Variants in LRP12 observed in about 807,000 individuals in gnomAD.
LRP12 encodes the protein LDL receptor related protein 12, also known as low-density lipoprotein receptor-related protein 12.
A neutral mutation model predicts 66.0 loss-of-function variants in LRP12; 14 were observed. The observed-to-expected ratio is 0.21, with a 90% confidence interval of 0.14 to 0.33. LRP12 has a LOEUF of 0.33. LRP12 is among the 10% of genes least tolerant of loss of function. The pLI, the probability that LRP12 is intolerant of heterozygous loss-of-function variation, is 1.00. For synonymous variants in LRP12, 357 were observed against 359.1 expected (o/e 0.99, Z 0.07); for missense variants, 889 against 1,053.4 (o/e 0.84, Z 2.16).
chr8:104,546,896 T>TATATAATTATA (rs1195331637), intron 1 of LRP12, among the ~76,000 whole-genome samples: 12 of 143,120 alleles, frequency 8.4e-5, no homozygotes, highest in Non-Finnish European at 1.4e-4. Context: ...CTTATAATTA[T>TATATAATTATA]TATTATATAT....
At chr8:104,583,829 T>C (rs1016193713) in intron 1 of LRP12, among the ~76,000 whole-genome samples, 1 of 152,116 alleles carries the variant, frequency 6.6e-6, no homozygotes, top group Admixed American at 6.6e-5. Context: ...TAAAGATTAA[T>C]TGGCAATAAA....
rs977600478 is a variant in LRP12 at position 104,521,137 on chromosome 8, TCTTCAAATTCTGGAATATGTA to T, written c.136+10749_136+10769del. Among the ~76,000 whole-genome samples the T allele has an allele frequency of 1.3e-4, 20 of 152,088 alleles. No individual in the cohort carries two copies. The South Asian group carries it at 1.7e-3, about 13-fold the overall frequency. ...GACCAGAAGTATTTTGATTTTTTTT[TCTTCAAATTCTGGAATATGTA>T]CAGATATATACTTACTAGTTGAGCA... On this transcript the variant is annotated intron_variant, in intron 2 of 6. Coordinates refer to ENST00000276654, the MANE Select transcript of LRP12 (RefSeq NM_013437.5).
intron 2 of LRP12, among the ~76,000 whole-genome samples, chr8:104,529,149 A>AT (rs1811289864): frequency 6.6e-6 from 1 of 152,160 alleles, no homozygotes; most frequent in South Asian, 2.1e-4. Flanking sequence ...AAATGAGGTC[A>AT]TATGTGTGGC....
At chr8:104,582,748 T>G (rs1006593352) in intron 1 of LRP12, among the ~76,000 whole-genome samples, 7 of 152,160 alleles carry the variant, frequency 4.6e-5, no homozygotes, top group African/African-American at 1.7e-4. Context: ...TGTGCTTGTA[T>G]AGTGTTCATA....
rs1811892964 is a variant in LRP12, at chr8:104,560,671, ATATGT to A, written c.79+28143_79+28147del. Among the ~76,000 whole-genome samples, 4 of 152,330 alleles carry A rather than the reference ATATGT, an allele frequency of 2.6e-5. No homozygotes were observed. In the South Asian group the frequency reaches 8.3e-4, roughly 32 times the overall value. On this transcript the variant is annotated intron_variant, in intron 1 of 6. Transcript: ENST00000276654. ...TACTTCAACATACATATCTCTCAAA[ATATGT>A]TATCCAGCTATCTATAATGCTACTA... is the stretch of plus-strand genomic sequence containing the variant.
intron 1 of LRP12, among the ~76,000 whole-genome samples, chr8:104,560,517 G>A (rs1811890421): frequency 6.6e-6 from 1 of 152,110 alleles, no homozygotes; most frequent in Admixed American, 6.5e-5. Context: ...TAGTAATGAT[G>A]GCATGATGAT....
At chr8:104,548,362 T>A (rs1462404651) in intron 1 of LRP12, among the ~76,000 whole-genome samples, 2 of 52,280 alleles carry the variant, frequency 3.8e-5, no homozygotes, top group South Asian at 4.2e-4. Context: ...TAATATATAT[T>A]ATATAAATAT....
intron 1 of LRP12, among the ~76,000 whole-genome samples, chr8:104,588,107 T>C (rs564170063): frequency 5.3e-5 from 8 of 152,316 alleles, no homozygotes; most frequent in Admixed American, 3.3e-4. Context: ...AAAGTAACAG[T>C]GACCACAGCG....
chr8:104,580,709 T>G (rs553905908), intron 1 of LRP12, among the ~76,000 whole-genome samples: 2 of 152,078 alleles, frequency 1.3e-5, no homozygotes, highest in East Asian at 3.9e-4. Flanking sequence ...ATCAGAGAAA[T>G]GCAAATCAAA....
chr8:104,513,882 T>C (rs1414652928), intron 2 of LRP12, among the ~76,000 whole-genome samples: 1 of 152,154 alleles, frequency 6.6e-6, no homozygotes, highest in Non-Finnish European at 1.5e-5. Flanking sequence ...CCCAGAGGCT[T>C]TGCATAGTCA....
rs567684879 is a variant in LRP12 at position 104,559,998 on chromosome 8, A to G, written c.80-28035T>C. Among the ~76,000 whole-genome samples the G allele has an allele frequency of 2.9e-4, 44 of 152,334 alleles. No homozygotes were observed. The South Asian group carries it at 8.1e-3, about 28-fold the overall frequency. On this transcript the variant is annotated intron_variant, in intron 1 of 6. Coordinates refer to ENST00000276654, the MANE Select transcript of LRP12 (RefSeq NM_013437.5). Reference sequence around the variant, plus strand: ...TACCAATGAAGAAACTAAACTTCAGATAAGTAAATAACTTGCTCAAGGACA... The same window carrying G: ...TACCAATGAAGAAACTAAACTTCAGGTAAGTAAATAACTTGCTCAAGGACA...
rs186968359 is a variant in LRP12, at chr8:104,552,436, G to A, written c.80-20473C>T. 1.8e-4 allele frequency among the ~76,000 whole-genome samples: 27 copies of A among 151,116 alleles called. 1 individual carries two copies. In the East Asian group the frequency reaches 2.3e-3, roughly 13 times the overall value. On this transcript the variant is annotated intron_variant, in intron 1 of 6. Transcript: ENST00000276654. ...TGTAATCCCAGCACTTTGGGAGGCCGAGGCGGGCAGATCATCTGAGGTTGG... is the reference window on the plus strand; with the variant it reads ...TGTAATCCCAGCACTTTGGGAGGCCAAGGCGGGCAGATCATCTGAGGTTGG...
At chr8:104,583,212 TA>T (rs1330491812) in intron 1 of LRP12, among the ~76,000 whole-genome samples, 3 of 152,186 alleles carry the variant, frequency 2.0e-5, no homozygotes, top group Non-Finnish European at 4.4e-5. Context: ...TTATGTCACT[TA>T]AATAGTTAAA....
chr8:104,495,167 T>G lies in LRP12; in HGVS notation c.1623A>C (p.Leu541Phe). ...CATACGAGGGAGGAGCTTCTCTTCTTAACAATTCTGCTTCCACTCTTGACA... is the reference window on the plus strand; with the variant it reads ...CATACGAGGGAGGAGCTTCTCTTCTGAACAATTCTGCTTCCACTCTTGACA... ...TQLSRVEAEL[L>F]RREAPPSYGQ... The change falls in exon 6 of 7, where the codon TTA (leucine) becomes TTC (phenylalanine). Residue 541 changes from leucine to phenylalanine, a missense_variant. Coordinates refer to ENST00000276654, the MANE Select transcript of LRP12 (RefSeq NM_013437.5). 6.2e-7 allele frequency: 1 copy of G among 1,613,742 alleles called. No individual in the cohort carries two copies. The highest frequency in any genetic ancestry group is 8.5e-7 in the Non-Finnish European group (1 of 1,179,734).
At chr8:104,516,096 G>A (rs983042553) in intron 2 of LRP12, among the ~76,000 whole-genome samples, 1 of 151,792 alleles carries the variant, frequency 6.6e-6, no homozygotes, top group South Asian at 2.1e-4. Context: ...AATTTACGTT[G>A]GTGAGTTATC....
At chr8:104,507,741 GAAC>G (rs1377930289) in intron 3 of LRP12, 9 of 152,146 alleles carry the variant, frequency 5.9e-5, no homozygotes, top group African/African-American at 1.9e-4. Context: ...TGGAGGAGGA[GAAC>G]AACAGCTTTT....
At chr8:104,574,550 T>C (rs1201891244) in intron 1 of LRP12, among the ~76,000 whole-genome samples, 2 of 152,200 alleles carry the variant, frequency 1.3e-5, no homozygotes, top group Non-Finnish European at 2.9e-5. Context: ...GTTGAGTTCA[T>C]ATCTAGAGGC....
chr8:104,516,512 A>T (rs1332636487), intron 2 of LRP12, among the ~76,000 whole-genome samples: 1 of 152,152 alleles, frequency 6.6e-6, no homozygotes, highest in South Asian at 2.1e-4. Flanking sequence ...TGGAGTTCTT[A>T]AGATTTTGGT....
intron 1 of LRP12, among the ~76,000 whole-genome samples, chr8:104,552,679 T>A (rs567073041): frequency 3.9e-4 from 59 of 152,290 alleles, no homozygotes; most frequent in African/African-American, 1.4e-3. Context: ...CAGAGAATTA[T>A]CCTTTTTCAC....
Sources: gnomAD v4.1 joint callset for allele counts (sites outside exome capture counted in the v4.1 genomes callset) on GRCh38, gnomAD v4.1.1 for gene constraint, MANE v1.5 for transcripts, NCBI Gene and HGNC (gene_info 2026-07-23, HGNC 2026-07-21) for gene names.